FAM83G: variants seen among roughly 807,000 people sequenced by gnomAD.
FAM83G encodes the protein scaffolding CK1 anchoring protein G, also known as protein FAM83G.
A neutral mutation model predicts 61.5 loss-of-function variants in FAM83G; 38 were observed. The observed-to-expected ratio is 0.62, with a 90% CI of 0.48 to 0.81. The LOEUF (loss-of-function observed/expected upper bound fraction) is 0.81, where lower values mean the gene tolerates loss of function less well. Among genes scored for constraint, FAM83G ranks in the 30% least tolerant of loss-of-function variants. The pLI is 0.00. For missense variants in FAM83G, 989 were observed against 1,133.6 expected (o/e 0.87, Z 1.83); for synonymous variants, 470 against 476.1 (o/e 0.99, Z 0.17).
At position 18,993,517 on chromosome 17, in the gene FAM83G, C is replaced by G. The variant is rs141298566; in HGVS notation, c.523-5103G>C. ...GCCTCAGAGATCCCTAGAGGCGGCT[C>G]AGAGAGAGGAGAGAGGCGGCCATAT... On this transcript the variant is annotated intron_variant, in intron 2 of 5. Transcript: ENST00000388995. 4.7e-3 allele frequency among the ~76,000 whole-genome samples: 712 copies of G among 152,260 alleles called. 9 individuals are homozygous for G. The highest frequency in any genetic ancestry group is 0.016 in the African/African-American group (649 of 41,554).
Position 19,003,970 on chromosome 17 carries a change from C to T in FAM83G, c.72G>A (p.Glu24=), listed in dbSNP as rs746124516. The T allele has an allele frequency of 2.5e-6, 4 of 1,612,858 alleles. No homozygotes were observed. Among genetic ancestry groups the T allele is most frequent in the Admixed American group, 3.3e-5 (2 of 60,006 alleles). Residue 24 remains glutamate, a synonymous_variant, in exon 2 of 6, where the codon GAG becomes GAA. Transcript: ENST00000388995. The surrounding 1 kb of genome is among the most constrained non-coding windows in gnomAD (Gnocchi z 4.5). ...VNWRSSESKP[E]FFYSEEQRLA... ...GCCGCTGCTCCTCGCTGTAGAAGAA[C>T]TCAGGCTTGGACTCGCTGGAGCGCC...
intron 2 of FAM83G, among the ~76,000 whole-genome samples, chr17:19,002,097 A>G (rs2043743550): frequency 6.6e-6 from 1 of 151,458 alleles, no homozygotes; most frequent in Admixed American, 6.6e-5. Flanking sequence ...TCTGCAAACT[A>G]TGAAGGTCCC....
chr17:19,001,109 TGA>T (rs1425815510), intron 2 of FAM83G, among the ~76,000 whole-genome samples: 1 of 152,082 alleles, frequency 6.6e-6, no homozygotes, highest in Non-Finnish European at 1.5e-5. Flanking sequence ...ATCTGAAAAA[TGA>T]GACAGATAAC....
Position 18,977,737 on chromosome 17 carries a change from T to G in FAM83G, c.1929A>C (p.Pro643=). Residue 643 remains proline, a synonymous_variant, in exon 5 of 6, where the codon CCA becomes CCC. Transcript: ENST00000388995. ...HSEQVANGPT[P]PPRRQLSAPH... is the part of the protein sequence containing the mutation. ...GGGCACTCAGCTGCCGGCGCGGTGG[T>G]GGGGTTGGCCCGTTGGCCACTTGCT... 2 of 1,607,458 alleles carry G rather than the reference T, an allele frequency of 1.2e-6. No homozygotes were observed. The highest frequency in any genetic ancestry group is 1.7e-4 in the Middle Eastern group (1 of 6,030).
In FAM83G at chr17:18,996,136, G is replaced by GAAAAAA. The variant is rs529997491; in HGVS notation, c.522+7378_522+7383dup. On this transcript the variant is annotated intron_variant, in intron 2 of 5. Transcript: ENST00000388995. This position sits in a 1 kb window ranked among gnomAD's most constrained non-coding sequence, Gnocchi z 4.4. ...GGCAATATCTTTAAAGTACTAAATGGAAAAAAAAAAAAATCAACTTAGAAT... is the reference window on the plus strand; with the variant it reads ...GGCAATATCTTTAAAGTACTAAATGGAAAAAAAAAAAAAAAAAAATCAACTTAGAAT... Among the ~76,000 whole-genome samples, 1 of 137,624 alleles carries GAAAAAA rather than the reference G, an allele frequency of 7.3e-6. No homozygotes were observed. Among genetic ancestry groups the GAAAAAA allele is most frequent in the Non-Finnish European group, 1.6e-5 (1 of 62,592 alleles). 90.3% of individuals were successfully genotyped at this position (137,624 alleles called of 152,430 possible). A position where few individuals can be genotyped will look rare whatever the true frequency, so the allele number is the denominator to read the frequency against.
Position 18,971,869 on chromosome 17 carries a change from C to G in FAM83G, c.2083-121G>C. ...GGGTTCGCCTCCTGGCTCTGCCATT[C>G]ACCAGGGAGTGGGCCTAGACCAGTT... On this transcript the variant is annotated intron_variant, in intron 5 of 5. Coordinates refer to ENST00000388995, the MANE Select transcript of FAM83G (RefSeq NM_001039999.3). The surrounding 1 kb of genome is among the most constrained non-coding windows in gnomAD (Gnocchi z 5.5). 1.8e-6 allele frequency: 2 copies of G among 1,086,570 alleles called. No homozygotes were observed. The highest frequency in any genetic ancestry group is 3.3e-5 in the South Asian group (2 of 60,420). 67.3% of individuals were successfully genotyped at this position (1,086,570 alleles called of 1,614,324 possible).
At chr17:18,978,901 GCCCAGCCCCCGTGCA>G (rs1265078403) in intron 4 of FAM83G, 51 bp from the exon 5 acceptor site, 1 of 1,588,530 alleles carries the variant, frequency 6.3e-7, no homozygotes, top group Non-Finnish European at 8.6e-7. Context: ...TGCTTCCTCC[GCCCAGCCCCCGTGCA>G]CCCATAGCCG....
chr17:18,996,136 G>GAAA lies in FAM83G; in HGVS notation c.522+7381_522+7383dup, dbSNP rs529997491. On this transcript the variant is annotated intron_variant, in intron 2 of 5. Coordinates refer to ENST00000388995, the MANE Select transcript of FAM83G (RefSeq NM_001039999.3). The surrounding 1 kb of genome is among the most constrained non-coding windows in gnomAD (Gnocchi z 4.4). ...GGCAATATCTTTAAAGTACTAAATGGAAAAAAAAAAAAATCAACTTAGAAT... is the reference window on the plus strand; with the variant it reads ...GGCAATATCTTTAAAGTACTAAATGGAAAAAAAAAAAAAAAATCAACTTAGAAT... Among the ~76,000 whole-genome samples the GAAA allele has an allele frequency of 1.2e-4, 16 of 137,622 alleles. No homozygotes were observed. Among genetic ancestry groups the GAAA allele is most frequent in the African/African-American group, 1.9e-4 (7 of 37,586 alleles). The allele number at this position is 137,622 out of a possible 152,430, so 90.3% of individuals were successfully genotyped here.
At position 18,979,605 on chromosome 17, in the gene FAM83G, G is replaced by A; in HGVS notation, c.759C>T (p.Ala253=). The change falls in exon 4 of 6, where the codon GCC becomes GCT. Residue 253 remains alanine, a synonymous_variant. Transcript: ENST00000388995. The part of the protein sequence containing the change: ...FTRSATKFKG[A]LAQKFMFVDG... ...CCACAAACATGAACTTCTGGGCCAG[G>A]GCACCCTTGAACTTGGTTGCCGACC... is the stretch of plus-strand genomic sequence containing the variant. 2 of 1,613,544 alleles carry A rather than the reference G, an allele frequency of 1.2e-6. No individual in the cohort carries two copies. Among genetic ancestry groups the A allele is most frequent in the South Asian group, 1.1e-5 (1 of 91,080 alleles).
In FAM83G at chr17:18,971,408, G is replaced by A; in HGVS notation, c.2423C>T (p.Ser808Leu). 6.2e-7 allele frequency: 1 copy of A among 1,613,842 alleles called. No individual in the cohort carries two copies. The highest frequency in any genetic ancestry group is 1.1e-5 in the South Asian group (1 of 91,076). ...GGCTTGAGCCCTCCGTTTAGAATCC[G>A]ATGAGGCCCACTGGCTACCGCCCGT... Reference protein sequence around the residue: ...ARTGGSQWASSDSKRRAQAPR... With the variant: ...ARTGGSQWASLDSKRRAQAPR... The change falls in exon 6 of 6, where the codon TCG becomes TTG. Residue 808 changes from serine (S) to leucine (L), a missense_variant. Physicochemically the swap from Ser to Leu is moderately radical, Grantham distance 145. Coordinates refer to ENST00000388995, the MANE Select transcript of FAM83G (RefSeq NM_001039999.3). The surrounding 1 kb of genome is among the most constrained non-coding windows in gnomAD (Gnocchi z 5.5).
Position 18,969,592 on chromosome 17 carries a change from C to A in FAM83G, c.*1767G>T. 1.7e-6 allele frequency: 1 copy of A among 604,854 alleles called. No homozygotes were observed. Among genetic ancestry groups the A allele is most frequent in the Non-Finnish European group, 2.8e-6 (1 of 350,886 alleles). 37.5% of individuals were successfully genotyped at this position (604,854 alleles called of 1,614,324 possible). On this transcript the variant is annotated 3_prime_UTR_variant, in exon 6 of 6. Transcript: ENST00000388995. Reference sequence around the variant, plus strand: ...ACTAGGCAGTCAGCCCCCCTGCTGGCCCCTCAGGGACTGCCCTGGCTGGTA... The same window carrying A: ...ACTAGGCAGTCAGCCCCCCTGCTGGACCCTCAGGGACTGCCCTGGCTGGTA...
At chr17:18,998,791 G>A (rs952518235) in intron 2 of FAM83G, among the ~76,000 whole-genome samples, 2 of 152,212 alleles carry the variant, frequency 1.3e-5, no homozygotes, top group African/African-American at 2.4e-5. Context: ...CCAGCTGTGC[G>A]CCCCACAAGG....
At chr17:18,986,708 CCAAACCGACAGGCTTGCTCCCTGCTT>C (rs1302816173) in intron 3 of FAM83G, among the ~76,000 whole-genome samples, 2 of 152,244 alleles carry the variant, frequency 1.3e-5, no homozygotes, top group Non-Finnish European at 2.9e-5. Context: ...GGTCCCTGCT[CCAAACCGACAGGCTTGCTCCCTGCTT>C]GCGTCTGCAC....
chr17:19,003,597 C>T lies in FAM83G; in HGVS notation c.445G>A (p.Val149Ile), dbSNP rs77294509. The part of the protein sequence containing the change: ...IAYRGVTRAS[V>I]YMQPPIDGQA... The stretch of plus-strand genomic sequence containing the variant: ...CCGTCTATGGGGGGCTGCATGTAGA[C>T]GCTAGCCCGGGTCACGCCGCGGTAG... Residue 149 changes from valine (V) to isoleucine (I), a missense_variant, in exon 2 of 6, where the codon GTC becomes ATC. Physicochemically the swap from Val to Ile is conservative, Grantham distance 29. Around this residue, in one of 3 missense-constraint regions of FAM83G, gnomAD observed 371 missense variants for 404.5 expected, o/e 0.92. Transcript: ENST00000388995. The surrounding 1 kb of genome is among the most constrained non-coding windows in gnomAD (Gnocchi z 4.5). The T allele has an allele frequency of 1.2e-6, 2 of 1,609,624 alleles. No homozygotes were observed. The highest frequency in any genetic ancestry group is 1.7e-6 in the Non-Finnish European group (2 of 1,178,028).
At chr17:18,987,537 G>A (rs1470465133) in intron 3 of FAM83G, among the ~76,000 whole-genome samples, 1 of 152,196 alleles carries the variant, frequency 6.6e-6, no homozygotes, top group African/African-American at 2.4e-5. Flanking sequence ...GAAGAGCGTT[G>A]GACCAATGAG....
intron 3 of FAM83G, among the ~76,000 whole-genome samples, chr17:18,980,937 G>T (rs1187473683): frequency 1.3e-5 from 2 of 152,102 alleles, no homozygotes; most frequent in Admixed American, 6.6e-5. Context: ...CTCCCGAGGG[G>T]CTCTGTGCCG....
chr17:18,971,196 C>T lies in FAM83G; in HGVS notation c.*163G>A, dbSNP rs2042834246. Reference sequence around the variant, plus strand: ...ACCTTTGGCCTGACCATCATGGCCACCTGGTACTGGTGCACCGACCAGGTG... The same window carrying T: ...ACCTTTGGCCTGACCATCATGGCCATCTGGTACTGGTGCACCGACCAGGTG... On this transcript the variant is annotated 3_prime_UTR_variant, in exon 6 of 6. Transcript: ENST00000388995. The surrounding 1 kb of genome is among the most constrained non-coding windows in gnomAD (Gnocchi z 5.5). 2 of 1,613,872 alleles carry T rather than the reference C, an allele frequency of 1.2e-6. No homozygotes were observed. Among genetic ancestry groups the T allele is most frequent in the African/African-American group, 1.3e-5 (1 of 74,944 alleles).
At position 18,989,587 on chromosome 17, in the gene FAM83G, T is replaced by A. The variant is rs150585161; in HGVS notation, c.523-1173A>T. On this transcript the variant is annotated intron_variant, in intron 2 of 5. Transcript: ENST00000388995. The stretch of plus-strand genomic sequence containing the variant: ...ACCCAGTTTTCTCATCAGTATAGCA[T>A]GCTCCATCTCTCAGGAGAATGGAGC... Among the ~76,000 whole-genome samples, 968 of 152,352 alleles carry A rather than the reference T, an allele frequency of 6.4e-3. 9 individuals are homozygous for A. Among genetic ancestry groups the A allele is most frequent in the African/African-American group, 0.022 (895 of 41,584 alleles).
intron 2 of FAM83G, among the ~76,000 whole-genome samples, chr17:18,998,612 C>T (rs1169044665): frequency 6.6e-6 from 1 of 152,230 alleles, no homozygotes; most frequent in Non-Finnish European, 1.5e-5. Context: ...AGTGCCCAGA[C>T]GGGCAGGCAC....
Sources: allele counts gnomAD v4.1 joint callset (sites outside exome capture counted in the v4.1 genomes callset), GRCh38; gene constraint gnomAD v4.1.1; regional missense constraint gnomAD v4.1.1; non-coding constraint Gnocchi (gnomAD v3.1); transcripts MANE v1.5; gene names NCBI Gene and HGNC (gene_info 2026-07-23, HGNC 2026-07-21).